The following PPIL2 variants were observed in gnomAD, a reference collection of about 807,000 sequenced individuals.
PPIL2 encodes the protein peptidylprolyl isomerase like 2, also known as RING-type E3 ubiquitin-protein ligase PPIL2.
In PPIL2, 50 loss-of-function variants were observed where a neutral mutation model predicts 75.2. The observed-to-expected ratio is 0.66, with a 90% CI of 0.53 to 0.84. PPIL2 has a LOEUF of 0.84. Among genes scored for constraint, PPIL2 ranks in the 40% least tolerant of loss-of-function variants. The pLI is 0.00. For missense variants in PPIL2, 590 were observed against 685.0 expected (o/e 0.86, Z 1.55); for synonymous variants, 245 against 258.8 (o/e 0.95, Z 0.51).
Position 21,676,321 on chromosome 22 carries a change from G to GTA in PPIL2, c.295+1207_295+1208insAT, listed in dbSNP as rs575885065. 9.7e-3 allele frequency among the ~76,000 whole-genome samples: 1,461 copies of GTA among 150,820 alleles called. 23 individuals carry two copies. The highest frequency in any genetic ancestry group is 0.034 in the African/African-American group (1,401 of 40,894). ...TTATTTATTTATTTTGTGTGTGTGT[G>GTA]TGTGTGTGTGTGTGTGTGTTATTGT... On this transcript the variant is annotated intron_variant, in intron 6 of 19. Coordinates refer to ENST00000398831, the MANE Select transcript of PPIL2 (RefSeq NM_014337.4).
At chr22:21,694,458 C>G (rs749684130) in intron 16 of PPIL2, 135 bp from the exon 17 acceptor site, 9 of 925,808 alleles carry the variant, frequency 9.7e-6, no homozygotes, top group African/African-American at 1.6e-5. Context: ...CCTCTCATCG[C>G]CTTCCTGGCT....
Position 21,687,781 on chromosome 22 carries a change from G to A in PPIL2, c.987+49G>A, listed in dbSNP as rs199895945. The A allele has an allele frequency of 9.2e-5, 144 of 1,556,864 alleles. No homozygotes were observed. In the African/African-American group the frequency reaches 1.4e-3, roughly 15 times the overall value. On this transcript the variant is annotated intron_variant, in intron 13 of 19. Coordinates refer to ENST00000398831, the MANE Select transcript of PPIL2 (RefSeq NM_014337.4). Reference sequence around the variant, plus strand: ...GCACAGATGAGCTTGGTGGGACATCGGGGGCTGGGTGGGCTTGTCCCTGCC... The same window carrying A: ...GCACAGATGAGCTTGGTGGGACATCAGGGGCTGGGTGGGCTTGTCCCTGCC...
At chr22:21,699,347 T>TGCCCTCTGCCC (rs1475065689), downstream of PPIL2, 1 of 152,820 alleles carries the variant, frequency 6.5e-6, no homozygotes, top group African/African-American at 2.4e-5. Context: ...TCCCCCTGCC[T>TGCCCTCTGCCC]GCCCTCTGCC....
intron 2 of PPIL2, chr22:21,670,349 T>C: frequency 6.6e-7 from 1 of 1,509,964 alleles, no homozygotes; most frequent in Non-Finnish European, 8.8e-7. Context: ...ATAATTTTAA[T>C]GGAAGTAAAA....
chr22:21,687,192 G>T (rs756786857), intron 12 of PPIL2, among the ~76,000 whole-genome samples, 194 bp downstream of exon 12: 1 of 152,146 alleles, frequency 6.6e-6, no homozygotes, highest in Non-Finnish European at 1.5e-5. Flanking sequence ...GCGCACAGGT[G>T]CCAGTGTCTC....
intron 15 of PPIL2, among the ~76,000 whole-genome samples, chr22:21,689,574 T>C (rs1601584821): frequency 6.6e-6 from 1 of 151,936 alleles, no homozygotes; most frequent in South Asian, 2.1e-4. Flanking sequence ...AATTATCTTA[T>C]AATTCAAAAG....
At chr22:21,694,023 A>G in intron 16 of PPIL2, 151 bp downstream of exon 16, 4 of 885,572 alleles carry the variant, frequency 4.5e-6, no homozygotes, top group Non-Finnish European at 7.2e-6. Context: ...CAGAGCTGCG[A>G]TGGAGGGTGC....
Position 21,696,816 on chromosome 22 carries a change from CCCT to C in PPIL2, c.*1327_*1329del. ...CTGATGCTGAAGCTGCAGGCCTGAGCCCTTTGTCTCCCTGGATGCTGGGTGGCG... is the reference window on the plus strand; with the variant it reads ...CTGATGCTGAAGCTGCAGGCCTGAGCTTGTCTCCCTGGATGCTGGGTGGCG... On this transcript the variant is annotated 3_prime_UTR_variant, in exon 20 of 20. Transcript: ENST00000398831. The C allele has an allele frequency of 6.4e-7, 1 of 1,555,372 alleles. No homozygotes were observed.
chr22:21,676,898 C>T (rs371064290), intron 6 of PPIL2, among the ~76,000 whole-genome samples: 16 of 152,306 alleles, frequency 1.1e-4, no homozygotes, highest in South Asian at 2.1e-4. Context: ...GGGTGGCAGC[C>T]GGGCAGAGGG....
Position 21,669,903 on chromosome 22 carries a change from T to C in PPIL2, c.33-10T>C. ...TGGTGGTGGTAGCATTATCTTCCTC[T>C]CTTCTTCAGGTACATTACCTGTGCT... On this transcript the variant is annotated splice_polypyrimidine_tract_variant and intron_variant, in intron 1 of 19. Transcript: ENST00000398831. The C allele has an allele frequency of 6.2e-7, 1 of 1,613,074 alleles. No individual in the cohort carries two copies. The highest frequency in any genetic ancestry group is 8.5e-7 in the Non-Finnish European group (1 of 1,179,000).
intron 15 of PPIL2, among the ~76,000 whole-genome samples, chr22:21,692,248 C>T (rs547528196): frequency 7.2e-5 from 11 of 152,072 alleles, no homozygotes; most frequent in South Asian, 4.2e-4. Context: ...CTCCGCCTCC[C>T]AGGTTCATGC....
At chr22:21,686,790 T>C in intron 11 of PPIL2, 102 bp from the exon 12 acceptor site, 1 of 1,224,348 alleles carries the variant, frequency 8.2e-7, no homozygotes, top group Non-Finnish European at 1.2e-6. Flanking sequence ...TCCCCAGAGC[T>C]GGAGCCTAGT....
intron 2 of PPIL2, 22 bp from the exon 3 acceptor site, chr22:21,670,544 T>G: frequency 1.9e-6 from 3 of 1,594,008 alleles, no homozygotes; most frequent in Non-Finnish European, 2.6e-6. Flanking sequence ...AGATTTCTGT[T>G]TTTTATTTCA....
At chr22:21,698,556 C>T (rs573445454), downstream of PPIL2, 3 of 152,466 alleles carry the variant, frequency 2.0e-5, no homozygotes, top group East Asian at 5.6e-4. Context: ...GTCCCCGGGG[C>T]ATCGGAGGCT....
At chr22:21,684,466 A>G (rs1214179290) in intron 9 of PPIL2, among the ~76,000 whole-genome samples, 2 of 149,224 alleles carry the variant, frequency 1.3e-5, no homozygotes, top group East Asian at 1.9e-4. Context: ...AAAAAAAAAA[A>G]AAAAAAAAAG....
intron 15 of PPIL2, among the ~76,000 whole-genome samples, chr22:21,692,024 C>T (rs1043961033): frequency 2.6e-5 from 4 of 151,684 alleles, no homozygotes; most frequent in Non-Finnish European, 2.9e-5. Context: ...GGGGAGTGCT[C>T]CGTGCCGCCA....
chr22:21,687,089 T>C, intron 12 of PPIL2, 91 bp downstream of exon 12: 1 of 1,218,664 alleles, frequency 8.2e-7, no homozygotes, highest in South Asian at 1.2e-5. Flanking sequence ...GCCACTGGTA[T>C]GTGCTTGTTG....
At chr22:21,680,396 G>A (rs192091381) in intron 6 of PPIL2, among the ~76,000 whole-genome samples, 177 of 152,294 alleles carry the variant, frequency 1.2e-3, no homozygotes, top group Non-Finnish European at 2.0e-3. Context: ...ACATGGTGAC[G>A]CATGCATGCC....
At chr22:21,670,146 G>T (rs2066576265) in intron 2 of PPIL2, 184 bp downstream of exon 2, 1 of 872,984 alleles carries the variant, frequency 1.1e-6, no homozygotes. Flanking sequence ...TCATCTTAGT[G>T]GTGATTTTTG....
Sources: allele counts gnomAD v4.1 joint callset (sites outside exome capture counted in the v4.1 genomes callset), GRCh38; gene constraint gnomAD v4.1.1; transcripts MANE v1.5; gene names NCBI Gene and HGNC (gene_info 2026-07-23, HGNC 2026-07-21).